Variants in UNC5D observed in about 807,000 individuals in gnomAD.
The protein encoded by UNC5D is netrin receptor UNC5D.
Under a neutral mutation model 105.4 loss-of-function variants are expected in UNC5D, and 39 were observed. The observed-to-expected ratio is 0.37, with a 90% CI of 0.29 to 0.48. The LOEUF is 0.48. UNC5D is among the 20% of genes least tolerant of loss of function. The pLI is 0.98. For missense variants in UNC5D, 991 were observed against 1,202.4 expected, an observed-to-expected ratio of 0.82 and a Z score of 2.60; for synonymous variants, 452 against 450.4, an observed-to-expected ratio of 1.00 and a Z score of -0.04.
intron 1 of UNC5D, among the ~76,000 whole-genome samples, chr8:35,416,836 C>T (rs542576763): frequency 2.0e-5 from 3 of 152,200 alleles, no homozygotes; most frequent in African/African-American, 7.2e-5. Flanking sequence ...TTTTTAGCAC[C>T]CATGATTCAA....
intron 8 of UNC5D, among the ~76,000 whole-genome samples, chr8:35,720,301 C>T (rs550198135): frequency 1.3e-5 from 2 of 152,300 alleles, no homozygotes; most frequent in African/African-American, 4.8e-5. Flanking sequence ...GTCAACTCAG[C>T]AACAAAGGAG....
rs1817500767 is a variant in UNC5D, at chr8:35,568,376, T to C, written c.466+135T>C. 3 of 1,283,190 alleles carry C rather than the reference T, an allele frequency of 2.3e-6. No homozygotes were observed. The Admixed American group carries it at 8.7e-5, about 37-fold the overall frequency. 79.5% of individuals were successfully genotyped at this position (1,283,190 alleles called of 1,614,324 possible). On this transcript the variant is annotated intron_variant, in intron 3 of 16. Transcript: ENST00000404895. ...GTCTTAAATTTACTCTTCTAAAATG[T>C]TATTTTAAAATGTTTGATAATTTCT...
chr8:35,704,701 G>A (rs138284236), intron 7 of UNC5D, among the ~76,000 whole-genome samples: 144 of 152,234 alleles, frequency 9.5e-4, no homozygotes, highest in African/African-American at 3.3e-3. Flanking sequence ...TTGGCATAGC[G>A]TCTGAAGGGC....
At chr8:35,373,368 A>G (rs975786951) in intron 1 of UNC5D, among the ~76,000 whole-genome samples, 2 of 152,226 alleles carry the variant, frequency 1.3e-5, no homozygotes, top group African/African-American at 2.4e-5. Flanking sequence ...CCTACTCTAC[A>G]GTACAATAGG....
At chr8:35,604,530 G>T (rs1820138679) in intron 4 of UNC5D, among the ~76,000 whole-genome samples, 1 of 152,024 alleles carries the variant, frequency 6.6e-6, no homozygotes, top group Admixed American at 6.6e-5. Flanking sequence ...TCTTGGAGTT[G>T]CTCTCCTCGA....
At chr8:35,506,541 A>T (rs1812316431) in intron 1 of UNC5D, among the ~76,000 whole-genome samples, 1 of 152,252 alleles carries the variant, frequency 6.6e-6, no homozygotes, top group Non-Finnish European at 1.5e-5. Context: ...TGTCAGAGAC[A>T]AAGAATTTGA....
intron 11 of UNC5D, among the ~76,000 whole-genome samples, 182 bp downstream of exon 11, chr8:35,731,278 G>T (rs556369539): frequency 7.1e-4 from 108 of 151,956 alleles, no homozygotes; most frequent in African/African-American, 2.5e-3. Context: ...ATGCATGCCT[G>T]TAATCCCAGC....
At chr8:35,344,303 A>G (rs1398110449) in intron 1 of UNC5D, among the ~76,000 whole-genome samples, 1 of 152,082 alleles carries the variant, frequency 6.6e-6, no homozygotes, top group Admixed American at 6.6e-5. Flanking sequence ...ACAAAGGAAT[A>G]TAATGTCCTT....
At chr8:35,733,432 G>A (rs1386604481) in intron 11 of UNC5D, among the ~76,000 whole-genome samples, 4 of 152,190 alleles carry the variant, frequency 2.6e-5, no homozygotes, top group South Asian at 4.1e-4. Flanking sequence ...TGGGCTGTAC[G>A]TCTGCCATCC....
At chr8:35,346,769 T>C (rs564770269) in intron 1 of UNC5D, among the ~76,000 whole-genome samples, 1 of 152,156 alleles carries the variant, frequency 6.6e-6, no homozygotes, top group South Asian at 2.1e-4. Flanking sequence ...ATTACAAATA[T>C]TAATCTCATT....
intron 3 of UNC5D, among the ~76,000 whole-genome samples, chr8:35,582,007 G>T (rs749444404): frequency 2.1e-4 from 32 of 151,950 alleles, no homozygotes; most frequent in Non-Finnish European, 4.3e-4. Flanking sequence ...TAATCTCTTT[G>T]CTGCTTCTGC....
chr8:35,456,945 A>G (rs1489362673), intron 1 of UNC5D, among the ~76,000 whole-genome samples: 1 of 152,204 alleles, frequency 6.6e-6, no homozygotes, highest in Non-Finnish European at 1.5e-5. Flanking sequence ...TGTAATCTAT[A>G]TGATGCATGA....
intron 1 of UNC5D, among the ~76,000 whole-genome samples, chr8:35,246,792 A>T (rs748989177): frequency 2.0e-5 from 3 of 152,096 alleles, no homozygotes; most frequent in Non-Finnish European, 4.4e-5. Context: ...CATTTTCAGT[A>T]ATTATCTTCG....
chr8:35,261,051 G>A (rs745940305), intron 1 of UNC5D, among the ~76,000 whole-genome samples: 7 of 152,054 alleles, frequency 4.6e-5, no homozygotes, highest in Non-Finnish European at 8.8e-5. Flanking sequence ...TCACTGCTAC[G>A]GTCACACCAG....
At chr8:35,367,124 CAG>C (rs1468443875) in intron 1 of UNC5D, among the ~76,000 whole-genome samples, 1 of 152,152 alleles carries the variant, frequency 6.6e-6, no homozygotes, top group Non-Finnish European at 1.5e-5. Flanking sequence ...GTGAATCTCT[CAG>C]GGGATATAGT....
At chr8:35,387,503 C>T (rs751358697) in intron 1 of UNC5D, among the ~76,000 whole-genome samples, 13 of 152,050 alleles carry the variant, frequency 8.5e-5, no homozygotes, top group Non-Finnish European at 4.4e-5. Flanking sequence ...TTCACTTGCT[C>T]AAAATGCTTC....
chr8:35,307,883 C>T (rs1245779258), intron 1 of UNC5D, among the ~76,000 whole-genome samples: 1 of 152,036 alleles, frequency 6.6e-6, no homozygotes, highest in Non-Finnish European at 1.5e-5. Context: ...TGGGGGGAAA[C>T]TTCTGAAATT....
At chr8:35,568,065 A>C in intron 2 of UNC5D, 33 bp from the exon 3 acceptor site, 1 of 1,608,716 alleles carries the variant, frequency 6.2e-7, no homozygotes, top group East Asian at 2.2e-5. Flanking sequence ...TAACAGCCTC[A>C]GCTGATTTGT....
chr8:35,417,438 G>T (rs1563397858), intron 1 of UNC5D, among the ~76,000 whole-genome samples: 5 of 150,238 alleles, frequency 3.3e-5, no homozygotes, highest in Non-Finnish European at 1.5e-5. Flanking sequence ...CTTAGATTAA[G>T]CTTGGATATA....
Sources: allele counts gnomAD v4.1 joint callset (sites outside exome capture counted in the v4.1 genomes callset), GRCh38; gene constraint gnomAD v4.1.1; transcripts MANE v1.5; gene names NCBI Gene and HGNC (gene_info 2026-07-23, HGNC 2026-07-21).